The following ROBO1 variants were observed in gnomAD, a reference collection of about 807,000 sequenced individuals.
ROBO1 encodes the protein roundabout guidance receptor 1.
Under a neutral mutation model 195.9 loss-of-function variants are expected in ROBO1, and 149 were observed. The observed-to-expected ratio is 0.76, with a 90% confidence interval of 0.67 to 0.87. ROBO1 has a LOEUF of 0.87. Among genes scored for constraint, ROBO1 ranks in the 40% least tolerant of loss-of-function variants. The pLI is 0.00. For missense variants in ROBO1, 1,933 were observed against 2,068.3 expected (o/e 0.93, Z 1.27); for synonymous variants, 816 against 733.2 (o/e 1.11, Z -1.82).
rs115093799 is a variant in ROBO1 at position 78,698,044 on chromosome 3, T to C, written c.1046-9272A>G. Among the ~76,000 whole-genome samples, 924 of 152,262 alleles carry C rather than the reference T, an allele frequency of 6.1e-3. 12 individuals are homozygous for C. The highest frequency in any genetic ancestry group is 0.021 in the African/African-American group (887 of 41,556). ...ATGAATCCTTAAATTGAGGCGATTT[T>C]TTCCCCATTCTCATCTACAGTACTT... On this transcript the variant is annotated intron_variant, in intron 8 of 30. Coordinates refer to ENST00000464233, the MANE Select transcript of ROBO1 (RefSeq NM_002941.4).
At chr3:79,648,306 C>T (rs1226832338) in intron 1 of ROBO1, among the ~76,000 whole-genome samples, 1 of 151,982 alleles carries the variant, frequency 6.6e-6, no homozygotes, top group African/African-American at 2.4e-5. Context: ...CGTGCATAAT[C>T]CCTAGCCATA....
intron 1 of ROBO1, among the ~76,000 whole-genome samples, chr3:79,664,621 C>T (rs897330558): frequency 1.3e-5 from 2 of 152,050 alleles, no homozygotes; most frequent in African/African-American, 4.8e-5. Flanking sequence ...CGTCTTCTTA[C>T]TCTCTCAGAG....
At chr3:79,444,998 C>T (rs898445791) in intron 2 of ROBO1, among the ~76,000 whole-genome samples, 1 of 151,380 alleles carries the variant, frequency 6.6e-6, no homozygotes, top group African/African-American at 2.4e-5. Context: ...AGATGTTATC[C>T]AAGAAGAATA....
intron 2 of ROBO1, among the ~76,000 whole-genome samples, chr3:79,350,271 G>A (rs531186518): frequency 3.9e-5 from 6 of 152,266 alleles, no homozygotes; most frequent in South Asian, 2.1e-4. Flanking sequence ...CACTAGGATG[G>A]CTGTAATAAA....
chr3:79,644,981 A>C (rs1172118338), intron 1 of ROBO1, among the ~76,000 whole-genome samples: 1 of 152,172 alleles, frequency 6.6e-6, no homozygotes, highest in African/African-American at 2.4e-5. Context: ...TGAAGAAATT[A>C]AGAAGAAAAT....
intron 2 of ROBO1, among the ~76,000 whole-genome samples, chr3:79,161,791 C>T (rs1175072208): frequency 6.6e-6 from 1 of 152,092 alleles, no homozygotes; most frequent in Non-Finnish European, 1.5e-5. Flanking sequence ...TCTGAGTACA[C>T]ACTCATTGTT....
intron 1 of ROBO1, among the ~76,000 whole-genome samples, chr3:79,740,863 A>G (rs760928364): frequency 4.6e-5 from 7 of 152,226 alleles, no homozygotes; most frequent in Admixed American, 3.9e-4. Context: ...CAGAATTAAC[A>G]TATACATATA....
intron 17 of ROBO1, among the ~76,000 whole-genome samples, chr3:78,658,291 T>C (rs541267580): frequency 1.3e-5 from 2 of 152,270 alleles, no homozygotes; most frequent in South Asian, 4.1e-4. Flanking sequence ...TGCTCATTAT[T>C]ATTAATTATT....
chr3:79,507,866 TA>T (rs1272482072), intron 2 of ROBO1: 1 of 154,754 alleles, frequency 6.5e-6, no homozygotes, highest in East Asian at 1.9e-4. Flanking sequence ...TTGAAAGAGA[TA>T]ATTAGGCTAA....
intron 2 of ROBO1, among the ~76,000 whole-genome samples, chr3:79,383,048 G>A (rs2036625503): frequency 1.3e-5 from 2 of 152,098 alleles, no homozygotes; most frequent in Admixed American, 6.6e-5. Flanking sequence ...TGAAAAAGAA[G>A]AGTTCTCAAT....
intron 1 of ROBO1, among the ~76,000 whole-genome samples, chr3:79,638,331 G>C (rs1396417629): frequency 6.6e-6 from 1 of 152,178 alleles, no homozygotes; most frequent in Non-Finnish European, 1.5e-5. Context: ...AGAAATCTCA[G>C]TTTCTAACTT....
At chr3:79,272,093 G>T (rs896169437) in intron 2 of ROBO1, among the ~76,000 whole-genome samples, 1 of 151,982 alleles carries the variant, frequency 6.6e-6, no homozygotes, top group Non-Finnish European at 1.5e-5. Context: ...GGTCAGTGTC[G>T]CAGCACTCAG....
chr3:79,032,263 A>C (rs748343781), intron 3 of ROBO1, among the ~76,000 whole-genome samples: 6 of 152,068 alleles, frequency 3.9e-5, no homozygotes, highest in Admixed American at 6.5e-5. Context: ...GAACTAATTT[A>C]ACATTGAGAG....
Position 79,731,804 on chromosome 3 carries a change from A to G in ROBO1, c.-51+35948T>C, listed in dbSNP as rs913049901. On this transcript the variant is annotated intron_variant, in intron 1 of 30. Coordinates refer to ENST00000464233, the MANE Select transcript of ROBO1 (RefSeq NM_002941.4). The stretch of plus-strand genomic sequence containing the variant: ...AAAATGTGTTTTGTAATAAAATTCA[A>G]CTTGAGAATATACAAATCATACCTG... 5.3e-5 allele frequency among the ~76,000 whole-genome samples: 8 copies of G among 152,280 alleles called. No homozygotes were observed. The East Asian group carries it at 7.7e-4, about 15-fold the overall frequency.
At chr3:79,173,650 C>T (rs755705308) in intron 2 of ROBO1, among the ~76,000 whole-genome samples, 42 of 152,224 alleles carry the variant, frequency 2.8e-4, no homozygotes, top group South Asian at 2.1e-3. Flanking sequence ...CGGATGAGCA[C>T]GGCCCCCTGC....
In ROBO1 at chr3:79,345,964, G is replaced by A. The variant is rs550644935; in HGVS notation, c.89-220425C>T. On this transcript the variant is annotated intron_variant, in intron 2 of 30. Coordinates refer to ENST00000464233, the MANE Select transcript of ROBO1 (RefSeq NM_002941.4). ...TAATACAGCCCAGATTTTAAATATG[G>A]TATTTTCTGCAACTGGTAAACACAC... 2.2e-4 allele frequency among the ~76,000 whole-genome samples: 33 copies of A among 152,232 alleles called. No homozygotes were observed. The East Asian group carries it at 6.0e-3, about 28-fold the overall frequency.
At chr3:79,590,431 G>C (rs927238763) in intron 1 of ROBO1, among the ~76,000 whole-genome samples, 2 of 151,826 alleles carry the variant, frequency 1.3e-5, no homozygotes, top group Admixed American at 1.3e-4. Context: ...AACACCTTGA[G>C]GCCACTTTAA....
intron 3 of ROBO1, among the ~76,000 whole-genome samples, chr3:79,003,349 C>T (rs1431043415): frequency 6.6e-6 from 1 of 151,984 alleles, no homozygotes; most frequent in East Asian, 1.9e-4. Flanking sequence ...AAATCAGGGT[C>T]TACACCCAGA....
intron 8 of ROBO1, among the ~76,000 whole-genome samples, chr3:78,711,343 C>CTTT (rs1559772578): frequency 2.7e-4 from 27 of 101,462 alleles, no homozygotes; most frequent in East Asian, 1.2e-3. Context: ...TTCCTTCCTT[C>CTTT]CTTCCTCCTT....
Sources: allele counts gnomAD v4.1 joint callset (sites outside exome capture counted in the v4.1 genomes callset), GRCh38; gene constraint gnomAD v4.1.1; transcripts MANE v1.5; gene names NCBI Gene and HGNC (gene_info 2026-07-23, HGNC 2026-07-21).